Variants in EPYC observed in about 807,000 individuals in gnomAD.
The protein encoded by EPYC is dermatan sulfate proteoglycan 3.
EPYC carries 28 observed loss-of-function variants against 30.1 expected under a neutral mutation model. That is an observed-to-expected ratio of 0.93 (90% CI 0.69 to 1.28). EPYC has a LOEUF of 1.28. Among genes scored for constraint, EPYC ranks in the 50% most tolerant of loss-of-function variants. The probability of loss-of-function intolerance (pLI) is 0.00; values close to 1 mark genes in which losing one functional copy is unlikely to be tolerated. For synonymous variants in EPYC, 144 were observed against 141.4 expected (o/e 1.02, Z -0.13); for missense variants, 382 against 383.5 (o/e 1.00, Z 0.03).
chr12:90,992,941 A>C (rs1003683040), intron 2 of EPYC, among the ~76,000 whole-genome samples: 20 of 152,170 alleles, frequency 1.3e-4, no homozygotes, highest in Non-Finnish European at 2.1e-4. Flanking sequence ...ATGTGGCATC[A>C]TAATTTAACT....
At chr12:91,001,991 A>C (rs996742831) in intron 2 of EPYC, among the ~76,000 whole-genome samples, 1 of 151,942 alleles carries the variant, frequency 6.6e-6, no homozygotes, top group African/African-American at 2.4e-5. Flanking sequence ...GATCAAGACC[A>C]TCCTGGCCAA....
chr12:90,965,531 T>C (rs903583235), intron 6 of EPYC, among the ~76,000 whole-genome samples: 6 of 152,184 alleles, frequency 3.9e-5, no homozygotes, highest in African/African-American at 1.2e-4. Flanking sequence ...TAATTGTCTC[T>C]TTTATTTTAG....
chr12:90,994,805 G>A (rs532997778), intron 2 of EPYC, among the ~76,000 whole-genome samples: 19 of 152,068 alleles, frequency 1.2e-4, no homozygotes, highest in East Asian at 1.2e-3. Context: ...AAAATAAAAC[G>A]CATTTGAAAT....
intron 2 of EPYC, among the ~76,000 whole-genome samples, chr12:91,000,798 TA>T (rs5799971): frequency 1.3e-5 from 2 of 151,620 alleles, no homozygotes; most frequent in African/African-American, 4.8e-5. Context: ...AACTTTTTTT[TA>T]AAAAAATGTG....
intron 2 of EPYC, among the ~76,000 whole-genome samples, chr12:91,000,293 T>C (rs1262716064): frequency 2.0e-5 from 3 of 152,122 alleles, no homozygotes; most frequent in African/African-American, 7.2e-5. Flanking sequence ...CTGAAGTATG[T>C]AAAGACGCAA....
At position 90,972,982 on chromosome 12, in the gene EPYC, TAA is replaced by T; in HGVS notation, c.341-4_341-3del. 6.4e-7 allele frequency: 1 copy of T among 1,564,070 alleles called. No individual in the cohort carries two copies. The highest frequency in any genetic ancestry group is 8.7e-7 in the Non-Finnish European group (1 of 1,151,226). On this transcript the variant is annotated splice_polypyrimidine_tract_variant and splice_region_variant and intron_variant, in intron 3 of 6. Transcript: ENST00000261172. ...TACACAAAAGACAGGTTGGAAAGTC[TAA>T]AAGATAAAGGAAAATAAAATTAAAT...
rs116865618 is a variant in EPYC, at chr12:90,994,024, C to T, written c.165+8377G>A. 3.9e-5 allele frequency among the ~76,000 whole-genome samples: 6 copies of T among 152,136 alleles called. No homozygotes were observed. The East Asian group carries it at 7.7e-4, about 20-fold the overall frequency. On this transcript the variant is annotated intron_variant, in intron 2 of 6. Coordinates refer to ENST00000261172, the MANE Select transcript of EPYC (RefSeq NM_004950.5). ...CATTCCAATAGATAGCTACAGATCT[C>T]GTATACATATATCTTATATGTGTCT...
At chr12:90,975,473 C>T (rs1877158798) in intron 3 of EPYC, among the ~76,000 whole-genome samples, 1 of 151,686 alleles carries the variant, frequency 6.6e-6, no homozygotes, top group Admixed American at 6.6e-5. Context: ...TGAATGTGTG[C>T]CTCTTCTTTG....
chr12:90,989,463 A>G (rs1019562506), intron 2 of EPYC, among the ~76,000 whole-genome samples: 1 of 152,056 alleles, frequency 6.6e-6, no homozygotes, highest in Non-Finnish European at 1.5e-5. Context: ...ATATCATAAA[A>G]TCGTATTTTG....
chr12:91,001,542 G>A (rs942316758), intron 2 of EPYC, among the ~76,000 whole-genome samples: 2 of 152,024 alleles, frequency 1.3e-5, no homozygotes, highest in African/African-American at 4.8e-5. Context: ...TAAAAGACTT[G>A]TATTTAATTA....
At chr12:91,002,189 C>CAACAAAAA (rs1877844452) in intron 2 of EPYC, among the ~76,000 whole-genome samples, 1 of 73,458 alleles carries the variant, frequency 1.4e-5, no homozygotes, top group Non-Finnish European at 2.4e-5. Flanking sequence ...GACACTGTCT[C>CAACAAAAA]AAAAAAAAAA....
intron 2 of EPYC, among the ~76,000 whole-genome samples, chr12:90,981,685 G>A (rs1250471819): frequency 1.3e-5 from 2 of 151,972 alleles, no homozygotes; most frequent in South Asian, 2.1e-4. Flanking sequence ...AAAAACTGGT[G>A]TGTTCAGAAA....
At chr12:90,988,345 AAAGT>A (rs1311311001) in intron 2 of EPYC, among the ~76,000 whole-genome samples, 21 of 152,258 alleles carry the variant, frequency 1.4e-4, no homozygotes, top group Non-Finnish European at 1.3e-4. Flanking sequence ...TAAAGAAAAG[AAAGT>A]AAGCTAAGGA....
intron 2 of EPYC, among the ~76,000 whole-genome samples, chr12:90,982,404 C>T (rs1406167388): frequency 6.6e-6 from 1 of 151,964 alleles, no homozygotes; most frequent in Non-Finnish European, 1.5e-5. Context: ...TTTCATCACC[C>T]AAGAAAAAAA....
intron 3 of EPYC, among the ~76,000 whole-genome samples, chr12:90,975,572 TTA>T (rs1877160799): frequency 6.6e-6 from 1 of 152,130 alleles, no homozygotes; most frequent in South Asian, 2.1e-4. Context: ...TTAGTTTTTG[TTA>T]TGTTTCTAAA....
intron 2 of EPYC, among the ~76,000 whole-genome samples, chr12:90,991,041 T>C (rs1041490268): frequency 2.0e-5 from 3 of 152,290 alleles, no homozygotes; most frequent in Middle Eastern, 6.8e-3. Flanking sequence ...TTTGATATTA[T>C]AACTCTAGAG....
chr12:90,969,272 T>C (rs1035569213), intron 6 of EPYC, among the ~76,000 whole-genome samples: 2 of 151,944 alleles, frequency 1.3e-5, no homozygotes, highest in Non-Finnish European at 2.9e-5. Flanking sequence ...GTTTTCTCTA[T>C]ATATTTATTC....
chr12:90,967,701 G>T (rs972883035), intron 6 of EPYC, among the ~76,000 whole-genome samples: 3 of 152,148 alleles, frequency 2.0e-5, no homozygotes, highest in Admixed American at 6.6e-5. Context: ...GGCCAGGTGC[G>T]GTGGCTCATG....
rs370217169 is a variant in EPYC, at chr12:90,986,684, C to T, written c.166-8422G>A. 6.6e-5 allele frequency among the ~76,000 whole-genome samples: 10 copies of T among 152,250 alleles called. No individual in the cohort carries two copies. In the South Asian group the frequency reaches 1.2e-3, roughly 19 times the overall value. ...TCAGCTGAGGCCAAGCTAGTCCAGC[C>T]AGCACTGTACCAACCTAGCATATAC... On this transcript the variant is annotated intron_variant, in intron 2 of 6. Coordinates refer to ENST00000261172, the MANE Select transcript of EPYC (RefSeq NM_004950.5).
Sources: allele counts gnomAD v4.1 joint callset (sites outside exome capture counted in the v4.1 genomes callset), GRCh38; gene constraint gnomAD v4.1.1; transcripts MANE v1.5; gene names NCBI Gene and HGNC (gene_info 2026-07-23, HGNC 2026-07-21).